Variants in BCAS1 observed in about 807,000 individuals in gnomAD.
BCAS1 encodes breast carcinoma-amplified sequence 1.
In BCAS1, 46 loss-of-function variants were observed where a neutral mutation model predicts 65.4. The observed-to-expected ratio is 0.70, with a 90% confidence interval of 0.55 to 0.90. The LOEUF (loss-of-function observed/expected upper bound fraction) is 0.90. Ranked by LOEUF, BCAS1 falls within the 40% of genes least tolerant of loss-of-function variation. The pLI, the probability that BCAS1 is intolerant of heterozygous loss-of-function variation, is 0.00. For synonymous variants in BCAS1, 298 were observed against 293.5 expected (o/e 1.02, Z -0.16); for missense variants, 793 against 771.2 (o/e 1.03, Z -0.33).
intron 12 of BCAS1, among the ~76,000 whole-genome samples, chr20:53,948,491 G>C (rs1359512925): frequency 6.6e-6 from 1 of 152,202 alleles, no homozygotes; most frequent in Admixed American, 6.5e-5. Context: ...GTAACATGTG[G>C]CTGGTGCTGA....
chr20:53,975,370 C>A lies in BCAS1; in HGVS notation c.1317+19G>T, dbSNP rs769933562. The A allele has an allele frequency of 1.2e-6, 2 of 1,605,902 alleles. No individual in the cohort carries two copies. The highest frequency in any genetic ancestry group is 2.2e-5 in the East Asian group (1 of 44,760). ...GAAGATGAGAATGGAATGATTCTGCCGTGGTGTGTGTAACTTACATTCTCC... is the reference window on the plus strand; with the variant it reads ...GAAGATGAGAATGGAATGATTCTGCAGTGGTGTGTGTAACTTACATTCTCC... On this transcript the variant is annotated intron_variant, in intron 9 of 12. Transcript: ENST00000688948.
chr20:53,994,919 A>G (rs1190798749), intron 6 of BCAS1, 93 bp downstream of exon 6: 5 of 1,011,052 alleles, frequency 4.9e-6, no homozygotes, highest in Non-Finnish European at 7.6e-6. Flanking sequence ...ACACACACAT[A>G]TATGTATTCA....
At chr20:53,999,159 G>C (rs2090995432) in intron 4 of BCAS1, among the ~76,000 whole-genome samples, 1 of 152,310 alleles carries the variant, frequency 6.6e-6, no homozygotes, top group Non-Finnish European at 1.5e-5. Context: ...TCCTCATAGG[G>C]AGTGTATATA....
intron 1 of BCAS1, among the ~76,000 whole-genome samples, chr20:54,059,522 G>A (rs1339625413): frequency 6.7e-6 from 1 of 149,646 alleles, no homozygotes; most frequent in Non-Finnish European, 1.5e-5. Context: ...AGCAGGGCTT[G>A]TAATTATATA....
At chr20:54,009,791 A>AT (rs2091282055) in intron 4 of BCAS1, among the ~76,000 whole-genome samples, 1 of 152,204 alleles carries the variant, frequency 6.6e-6, no homozygotes, top group Admixed American at 6.5e-5. Context: ...TACCCTACTG[A>AT]TCAATATGCC....
intron 12 of BCAS1, among the ~76,000 whole-genome samples, chr20:53,946,505 GTA>G (rs71196434): frequency 1.6e-4 from 24 of 145,900 alleles, no homozygotes; most frequent in East Asian, 1.2e-3. Context: ...ATTGTATACA[GTA>G]TATATATATA....
intron 4 of BCAS1, among the ~76,000 whole-genome samples, chr20:54,025,621 A>G (rs1270880522): frequency 6.6e-6 from 1 of 152,116 alleles, no homozygotes; most frequent in Non-Finnish European, 1.5e-5. Flanking sequence ...TGGAATTCCA[A>G]TCCAGCAGGG....
intron 10 of BCAS1, among the ~76,000 whole-genome samples, chr20:53,958,032 G>A (rs760759408): frequency 6.6e-6 from 1 of 152,092 alleles, no homozygotes; most frequent in Non-Finnish European, 1.5e-5. Context: ...CTAAGCTAAT[G>A]GTTCTAGAAG....
At chr20:54,059,360 T>C (rs2092347788) in intron 1 of BCAS1, among the ~76,000 whole-genome samples, 1 of 152,216 alleles carries the variant, frequency 6.6e-6, no homozygotes, top group Non-Finnish European at 1.5e-5. Context: ...TCAGTGTAGA[T>C]AGCATTTTTT....
At chr20:54,068,765 G>A (rs2092476920) in intron 1 of BCAS1, among the ~76,000 whole-genome samples, 1 of 152,114 alleles carries the variant, frequency 6.6e-6, no homozygotes, top group Non-Finnish European at 1.5e-5. Flanking sequence ...ATCCTGAACT[G>A]CTTCAGGGCA....
chr20:54,021,095 T>C (rs1003380392), intron 4 of BCAS1, among the ~76,000 whole-genome samples: 15 of 152,194 alleles, frequency 9.9e-5, no homozygotes, highest in Admixed American at 5.2e-4. Context: ...TGGCATGTCC[T>C]CTTTGCTGGA....
chr20:53,952,191 T>C (rs2089548832), intron 12 of BCAS1, among the ~76,000 whole-genome samples: 1 of 152,248 alleles, frequency 6.6e-6, no homozygotes, highest in African/African-American at 2.4e-5. Flanking sequence ...TTATATATCA[T>C]ATTTTGGTAT....
intron 1 of BCAS1, among the ~76,000 whole-genome samples, chr20:54,059,947 G>T (rs1401797799): frequency 6.6e-6 from 1 of 152,216 alleles, no homozygotes; most frequent in Non-Finnish European, 1.5e-5. Context: ...GGGCACTAGG[G>T]TTACAGCTGT....
At chr20:54,038,414 G>T (rs1369369528) in intron 3 of BCAS1, among the ~76,000 whole-genome samples, 1 of 151,248 alleles carries the variant, frequency 6.6e-6, no homozygotes, top group East Asian at 1.9e-4. Flanking sequence ...GGTCTGCTCT[G>T]CTTACAGCTG....
chr20:53,945,333 G>A (rs920864959), intron 12 of BCAS1, among the ~76,000 whole-genome samples: 3 of 151,968 alleles, frequency 2.0e-5, no homozygotes, highest in Non-Finnish European at 4.4e-5. Flanking sequence ...TACCTAGGGG[G>A]TACTAATTCT....
intron 4 of BCAS1, among the ~76,000 whole-genome samples, chr20:54,022,035 G>T (rs909481940): frequency 3.9e-5 from 6 of 152,192 alleles, no homozygotes; most frequent in Non-Finnish European, 4.4e-5. Context: ...CCTTTAATGT[G>T]TAAAAATGCA....
chr20:54,018,734 G>C (rs563441873), intron 4 of BCAS1, among the ~76,000 whole-genome samples: 1 of 152,198 alleles, frequency 6.6e-6, no homozygotes, highest in African/African-American at 2.4e-5. Flanking sequence ...TCTGATAAGT[G>C]CTATGAAGGA....
intron 4 of BCAS1, among the ~76,000 whole-genome samples, chr20:54,022,507 G>C (rs2091583775): frequency 2.0e-5 from 3 of 152,084 alleles, no homozygotes. Flanking sequence ...AAAACCCCTA[G>C]GGCAGGTAGT....
At chr20:53,952,736 C>T (rs1341081100) in intron 12 of BCAS1, among the ~76,000 whole-genome samples, 2 of 152,206 alleles carry the variant, frequency 1.3e-5, no homozygotes, top group African/African-American at 4.8e-5. Context: ...CAACTCATCA[C>T]ATCGTGACCA....
Sources: allele counts gnomAD v4.1 joint callset (sites outside exome capture counted in the v4.1 genomes callset), GRCh38; gene constraint gnomAD v4.1.1; transcripts MANE v1.5; gene names NCBI Gene and HGNC (gene_info 2026-07-23, HGNC 2026-07-21).